TPD52L1: variants seen among roughly 807,000 people sequenced by gnomAD.
The protein encoded by TPD52L1 is tumor protein D53.
TPD52L1 carries 18 observed loss-of-function variants against 28.7 expected under a neutral mutation model. That is an observed-to-expected ratio of 0.63 (90% CI 0.43 to 0.93). TPD52L1 has a LOEUF of 0.93. TPD52L1 is among the 40% of genes least tolerant of loss of function. The pLI, the probability that TPD52L1 is intolerant of heterozygous loss-of-function variation, is 0.00. For missense variants in TPD52L1, 203 were observed against 254.8 expected (o/e 0.80, Z 1.39); for synonymous variants, 75 against 88.8 (o/e 0.84, Z 0.88).
intron 1 of TPD52L1, among the ~76,000 whole-genome samples, chr6:125,213,064 A>G (rs538042): frequency 0.16 from 24,249 of 152,142 alleles, 2,479 homozygotes; most frequent in African/African-American, 0.28. Flanking sequence ...AAATACTCCA[A>G]TAGCAGGGTA....
chr6:125,234,992 G>C (rs1226450128), intron 3 of TPD52L1, among the ~76,000 whole-genome samples: 1 of 151,788 alleles, frequency 6.6e-6, no homozygotes, highest in Non-Finnish European at 1.5e-5. Context: ...CATTTAGGGG[G>C]CTGAGGTGGG....
chr6:125,251,885 C>T (rs1304786943), intron 4 of TPD52L1: 1 of 782,294 alleles, frequency 1.3e-6, no homozygotes, highest in African/African-American at 1.7e-5. Flanking sequence ...TCAGTGTAAT[C>T]AAGAGTGGTA....
chr6:125,231,142 G>C (rs1298411354), intron 3 of TPD52L1: 2 of 152,316 alleles, frequency 1.3e-5, no homozygotes, highest in East Asian at 1.9e-4. Flanking sequence ...TTTAATCCAG[G>C]CCTGAGGGTT....
chr6:125,156,463 C>CAAAAAAAAAAA (rs758623258), intron 1 of TPD52L1, among the ~76,000 whole-genome samples: 1,590 of 36,786 alleles, frequency 0.043, 23 homozygotes, highest in South Asian at 0.077. Context: ...GACCTTGTCT[C>CAAAAAAAAAAA]AAAAAAAAAA....
intron 3 of TPD52L1, chr6:125,234,472 C>T (rs1326607114): frequency 6.6e-6 from 1 of 152,158 alleles, no homozygotes; most frequent in Non-Finnish European, 1.5e-5. Flanking sequence ...ACGTTTCTGC[C>T]ACCTAATGCA....
intron 1 of TPD52L1, among the ~76,000 whole-genome samples, chr6:125,190,839 C>T (rs772860985): frequency 3.3e-5 from 5 of 152,180 alleles, no homozygotes; most frequent in Non-Finnish European, 4.4e-5. Context: ...AATGGGGAGC[C>T]ACTGTAAATA....
intron 1 of TPD52L1, among the ~76,000 whole-genome samples, chr6:125,217,169 C>T (rs972483886): frequency 6.6e-6 from 1 of 152,090 alleles, no homozygotes; most frequent in Admixed American, 6.5e-5. Flanking sequence ...GCAGCAGTCC[C>T]CAACCTTTTT....
At chr6:125,160,389 T>C (rs1035396139) in intron 1 of TPD52L1, among the ~76,000 whole-genome samples, 16 of 152,182 alleles carry the variant, frequency 1.1e-4, no homozygotes, top group African/African-American at 3.9e-4. Flanking sequence ...ATGAAAGGTC[T>C]TGCTCGGTTG....
At chr6:125,158,714 C>T (rs1790307949) in intron 1 of TPD52L1, among the ~76,000 whole-genome samples, 1 of 152,082 alleles carries the variant, frequency 6.6e-6, no homozygotes, top group Non-Finnish European at 1.5e-5. Flanking sequence ...GATAAAAGAA[C>T]CATTCTTCCT....
At chr6:125,211,829 C>T (rs182073714) in intron 1 of TPD52L1, among the ~76,000 whole-genome samples, 3 of 152,052 alleles carry the variant, frequency 2.0e-5, no homozygotes, top group East Asian at 1.9e-4. Flanking sequence ...CAATAATAGG[C>T]GAGATACGAG....
intron 1 of TPD52L1, among the ~76,000 whole-genome samples, chr6:125,216,561 AT>A (rs1794905178): frequency 6.9e-6 from 1 of 144,132 alleles, no homozygotes; most frequent in Non-Finnish European, 1.5e-5. Context: ...ATATATATAT[AT>A]ATATATATAT....
At chr6:125,164,465 A>T (rs770911052) in intron 1 of TPD52L1, among the ~76,000 whole-genome samples, 2 of 152,156 alleles carry the variant, frequency 1.3e-5, no homozygotes, top group Non-Finnish European at 2.9e-5. Context: ...CTGTTCAGAT[A>T]TGTTATTCCA....
At chr6:125,193,555 C>T (rs1793200553) in intron 1 of TPD52L1, among the ~76,000 whole-genome samples, 1 of 152,060 alleles carries the variant, frequency 6.6e-6, no homozygotes, top group African/African-American at 2.4e-5. Context: ...ACTTCACAGG[C>T]CACCACACTG....
chr6:125,210,491 C>A (rs950461999), intron 1 of TPD52L1, among the ~76,000 whole-genome samples: 2 of 152,276 alleles, frequency 1.3e-5, no homozygotes, highest in Admixed American at 1.3e-4. Context: ...ACAGATTAAG[C>A]CAGAATAAGA....
At position 125,229,213 on chromosome 6, in the gene TPD52L1, T is replaced by C; in HGVS notation, c.231T>C (p.Asn77=). The change falls in exon 3 of 7, where the codon AAT becomes AAC. Residue 77 remains asparagine (N), a synonymous_variant. Transcript: ENST00000534000. ...IKQKLGMNLM[N]ELKQNFSKSW... is the part of the protein sequence containing the mutation. ...AAAAACTCGGCATGAACCTGATGAA[T>C]GAATTAAAACAGAACTTCAGCAAAA... 1 of 1,613,666 alleles carries C rather than the reference T, an allele frequency of 6.2e-7. No individual in the cohort carries two copies. Among genetic ancestry groups the C allele is most frequent in the Non-Finnish European group, 8.5e-7 (1 of 1,179,784 alleles).
Position 125,263,696 on chromosome 6 carries a change from A to C in TPD52L1, c.*734A>C, listed in dbSNP as rs189357855. On this transcript the variant is annotated 3_prime_UTR_variant, in exon 7 of 7. Transcript: ENST00000534000. ...CAGACCCTGTCTCTACAAAAAAAGA[A>C]AAAAATTAGCCAGACATAGTGTTGC... is the stretch of plus-strand genomic sequence containing the variant. 6.6e-6 allele frequency: 1 copy of C among 152,382 alleles called. No individual in the cohort carries two copies. The highest frequency in any genetic ancestry group is 2.4e-5 in the African/African-American group (1 of 41,470). The allele number at this position is 152,382 out of a possible 1,614,324, so 9.4% of individuals were successfully genotyped here. A position where few individuals can be genotyped will look rare whatever the true frequency, so the allele number is the denominator to read the frequency against.
chr6:125,172,166 TTTCTTTC>T (rs1791433763), intron 1 of TPD52L1, among the ~76,000 whole-genome samples: 16 of 67,216 alleles, frequency 2.4e-4, no homozygotes, highest in Admixed American at 4.0e-4. Flanking sequence ...CTTTTCTTTC[TTTCTTTC>T]TTTCTTTCTT....
At chr6:125,255,216 T>G (rs1276137182) in intron 5 of TPD52L1, among the ~76,000 whole-genome samples, 2 of 152,204 alleles carry the variant, frequency 1.3e-5, no homozygotes, top group Non-Finnish European at 2.9e-5. Context: ...GTAGTCTGCA[T>G]GAGCTTGCCT....
In TPD52L1 at chr6:125,172,478, G is replaced by T. The variant is rs200649782; in HGVS notation, c.19+18508G>T. Among the ~76,000 whole-genome samples the T allele has an allele frequency of 2.5e-3, 186 of 73,240 alleles. 2 individuals carry two copies. Among genetic ancestry groups the T allele is most frequent in the Admixed American group, 5.7e-3 (37 of 6,504 alleles). The allele number at this position is 73,240 out of a possible 152,430, so 48.0% of individuals were successfully genotyped here. ...TGGATTTTTGTGTGTGTGTGTGTGT[G>T]TTTTTTTTTTAGCAGCTATTTCCCT... On this transcript the variant is annotated intron_variant, in intron 1 of 6. Transcript: ENST00000534000.
Sources: allele counts gnomAD v4.1 joint callset (sites outside exome capture counted in the v4.1 genomes callset), GRCh38; gene constraint gnomAD v4.1.1; transcripts MANE v1.5; gene names NCBI Gene and HGNC (gene_info 2026-07-23, HGNC 2026-07-21).